The following PARVA variants were observed in gnomAD, a reference collection of about 807,000 sequenced individuals.
PARVA encodes alpha-parvin.
A neutral mutation model predicts 52.6 loss-of-function variants in PARVA; 25 were observed. That is an observed-to-expected ratio of 0.48 (90% CI 0.35 to 0.66). PARVA has a LOEUF of 0.66. PARVA is among the 30% of genes least tolerant of loss of function. The probability of loss-of-function intolerance (pLI) is 0.01; values close to 1 mark genes in which losing one functional copy is unlikely to be tolerated. For missense variants in PARVA, 373 were observed against 450.9 expected, an observed-to-expected ratio of 0.83 and a Z score of 1.56; for synonymous variants, 185 against 179.1, an observed-to-expected ratio of 1.03 and a Z score of -0.26.
chr11:12,498,632 T>C (rs1941329425), intron 5 of PARVA, among the ~76,000 whole-genome samples: 1 of 144,794 alleles, frequency 6.9e-6, no homozygotes, highest in African/African-American at 2.6e-5. Flanking sequence ...TGAAGTGAAG[T>C]GGCACAATCT....
chr11:12,516,030 G>A (rs977613919), intron 10 of PARVA, among the ~76,000 whole-genome samples: 2 of 152,168 alleles, frequency 1.3e-5, no homozygotes, highest in Non-Finnish European at 1.5e-5. Context: ...GTACAGACAG[G>A]GTTTCACCAT....
At chr11:12,497,538 A>G (rs185873958) in intron 5 of PARVA, among the ~76,000 whole-genome samples, 1 of 152,346 alleles carries the variant, frequency 6.6e-6, no homozygotes, top group East Asian at 1.9e-4. Context: ...GGTCTCTAAC[A>G]TCTGACGTTG....
intron 10 of PARVA, among the ~76,000 whole-genome samples, chr11:12,516,614 G>T (rs1941570904): frequency 6.6e-6 from 1 of 152,322 alleles, no homozygotes; most frequent in East Asian, 1.9e-4. Context: ...TCCTGCCAGG[G>T]CCCTCAGCAC....
At chr11:12,398,816 CTTAA>C in intron 1 of PARVA, among the ~76,000 whole-genome samples, 1 of 152,132 alleles carries the variant, frequency 6.6e-6, no homozygotes, top group Non-Finnish European at 1.5e-5. Context: ...TACCACTCCT[CTTAA>C]CCCATGTTGC....
intron 1 of PARVA, among the ~76,000 whole-genome samples, chr11:12,442,955 G>C (rs1024172001): frequency 7.0e-6 from 1 of 143,646 alleles, no homozygotes. Context: ...TCCGCCTCCC[G>C]GGTTCACGCC....
At chr11:12,427,442 G>C (rs1318742179) in intron 1 of PARVA, among the ~76,000 whole-genome samples, 1 of 152,156 alleles carries the variant, frequency 6.6e-6, no homozygotes, top group East Asian at 1.9e-4. Flanking sequence ...GAAAATCATT[G>C]ACATGAATAC....
intron 12 of PARVA, among the ~76,000 whole-genome samples, chr11:12,520,067 T>G (rs57205495): frequency 0.042 from 6,416 of 152,328 alleles, 471 homozygotes; most frequent in African/African-American, 0.15. Context: ...ATTTTAGAAT[T>G]GGGATATTTC....
At position 12,508,114 on chromosome 11, in the gene PARVA, A is replaced by C. The variant is rs1256897277; in HGVS notation, c.658-470A>C. Among the ~76,000 whole-genome samples, 398 of 128,578 alleles carry C rather than the reference A, an allele frequency of 3.1e-3. 1 individual carries two copies. Among genetic ancestry groups the C allele is most frequent in the Non-Finnish European group, 5.1e-3 (311 of 61,408 alleles). The allele number at this position is 128,578 out of a possible 152,430, so 84.4% of individuals were successfully genotyped here. On this transcript the variant is annotated intron_variant, in intron 6 of 12. Transcript: ENST00000334956. ...ATTTATCAGTTAAAAAAAAAAAAAAAAAAAAAAACCAAAAAAAAAAACCCT... is the reference window on the plus strand; with the variant it reads ...ATTTATCAGTTAAAAAAAAAAAAAACAAAAAAAACCAAAAAAAAAAACCCT...
intron 3 of PARVA, among the ~76,000 whole-genome samples, chr11:12,476,549 A>C (rs1300897799): frequency 6.7e-6 from 1 of 150,374 alleles, no homozygotes; most frequent in Non-Finnish European, 1.5e-5. Context: ...GCCTCCCCTC[A>C]TTCCTGATCT....
At chr11:12,519,508 C>T (rs1224013771) in intron 12 of PARVA, among the ~76,000 whole-genome samples, 6 of 152,052 alleles carry the variant, frequency 3.9e-5, no homozygotes, top group African/African-American at 7.2e-5. Flanking sequence ...GGAACTGTTA[C>T]GAAAGAGGTA....
At chr11:12,455,187 T>C (rs1940678613) in intron 1 of PARVA, among the ~76,000 whole-genome samples, 1 of 152,240 alleles carries the variant, frequency 6.6e-6, no homozygotes. Flanking sequence ...GCATTACTTC[T>C]GGTTGTCTCT....
At chr11:12,499,958 T>G (rs11827900) in intron 5 of PARVA, among the ~76,000 whole-genome samples, 3,793 of 152,296 alleles carry the variant, frequency 0.025, 145 homozygotes, top group African/African-American at 0.086. Context: ...TCTACCATAA[T>G]TTACTTAACT....
chr11:12,393,314 GC>G (rs1939689181), intron 1 of PARVA, among the ~76,000 whole-genome samples: 1 of 152,120 alleles, frequency 6.6e-6, no homozygotes. Context: ...TAGCATCTTT[GC>G]CCCTTTACAG....
At chr11:12,394,443 A>G (rs1939705365) in intron 1 of PARVA, among the ~76,000 whole-genome samples, 1 of 152,262 alleles carries the variant, frequency 6.6e-6, no homozygotes, top group African/African-American at 2.4e-5. Flanking sequence ...ACTGGGTGTG[A>G]GAATGATGTT....
At chr11:12,397,674 C>G (rs1939768438) in intron 1 of PARVA, among the ~76,000 whole-genome samples, 1 of 152,152 alleles carries the variant, frequency 6.6e-6, no homozygotes, top group African/African-American at 2.4e-5. Context: ...TCTTTAGCCA[C>G]ACATTTTTAG....
chr11:12,417,968 G>T (rs1352100908), intron 1 of PARVA, among the ~76,000 whole-genome samples: 1 of 152,224 alleles, frequency 6.6e-6, no homozygotes, highest in Non-Finnish European at 1.5e-5. Context: ...AGATGCTGAT[G>T]CAGAGTGCCT....
intron 1 of PARVA, among the ~76,000 whole-genome samples, chr11:12,419,136 C>T (rs1163046608): frequency 3.3e-5 from 5 of 152,146 alleles, no homozygotes; most frequent in Admixed American, 6.5e-5. Context: ...TAGTAAAATA[C>T]ATATAACTTA....
intron 1 of PARVA, among the ~76,000 whole-genome samples, chr11:12,396,682 A>G (rs969646153): frequency 6.6e-6 from 1 of 152,236 alleles, no homozygotes; most frequent in Non-Finnish European, 1.5e-5. Flanking sequence ...CTTTGCTCGC[A>G]TGGAACTTCC....
At position 12,510,866 on chromosome 11, in the gene PARVA, C is replaced by T. The variant is rs527981232; in HGVS notation, c.717-648C>T. On this transcript the variant is annotated intron_variant, in intron 7 of 12. Transcript: ENST00000334956. ...AGTTGAGATTTGGGGAGGGACACAGCCAAACCATATCAGTCACACAGCAAA... is the reference window on the plus strand; with the variant it reads ...AGTTGAGATTTGGGGAGGGACACAGTCAAACCATATCAGTCACACAGCAAA... Among the ~76,000 whole-genome samples, 8 of 152,240 alleles carry T rather than the reference C, an allele frequency of 5.3e-5. No individual in the cohort carries two copies. In the East Asian group the frequency reaches 1.5e-3, roughly 29 times the overall value.
Sources: gnomAD v4.1 joint callset for allele counts (sites outside exome capture counted in the v4.1 genomes callset) on GRCh38, gnomAD v4.1.1 for gene constraint, MANE v1.5 for transcripts, NCBI Gene and HGNC (gene_info 2026-07-23, HGNC 2026-07-21) for gene names.